ATP5F1A: variants seen among roughly 807,000 people sequenced by gnomAD.
ATP5F1A encodes the protein ATP synthase F(1) complex subunit alpha, mitochondrial.
Under a neutral mutation model 57.4 loss-of-function variants are expected in ATP5F1A, and 24 were observed. The ratio of observed to expected loss-of-function variants is 0.42; its 90% CI spans 0.30 to 0.59. ATP5F1A has a LOEUF of 0.59. Ranked by LOEUF, ATP5F1A falls within the 20% of genes least tolerant of loss-of-function variation. ATP5F1A has a pLI of 0.19. For missense variants in ATP5F1A, 494 were observed against 707.9 expected (o/e 0.70, Z 3.43); for synonymous variants, 251 against 255.5 (o/e 0.98, Z 0.17).
Position 46,089,963 on chromosome 18 carries a change from C to A in ATP5F1A, c.343G>T (p.Gly115Cys). The A allele has an allele frequency of 6.2e-7, 1 of 1,607,506 alleles. No homozygotes were observed. Among genetic ancestry groups the A allele is most frequent in the Non-Finnish European group, 8.5e-7 (1 of 1,177,570 alleles). ...TTATCATTTCCAAACACGACAACAC[C>A]AACATTGTCAGGTTCCAAGTTCAAG... is the stretch of plus-strand genomic sequence containing the variant. ...MSLNLEPDNV[G>C]VVVFGNDKLI... Residue 115 changes from glycine to cysteine, a missense_variant, in exon 4 of 12, where the codon GGT becomes TGT. By Grantham distance (159) the Gly-to-Cys change is radical. Coordinates refer to ENST00000398752, the MANE Select transcript of ATP5F1A (RefSeq NM_004046.6).
intron 3 of ATP5F1A, among the ~76,000 whole-genome samples, chr18:46,091,208 G>A (rs1477202329): frequency 6.6e-6 from 1 of 152,146 alleles, no homozygotes; most frequent in Non-Finnish European, 1.5e-5. Flanking sequence ...TACCCTGACA[G>A]ATGAGGCTCA....
chr18:46,101,353 T>C (rs558859581), upstream of ATP5F1A, among the ~76,000 whole-genome samples: 1 of 150,946 alleles, frequency 6.6e-6, no homozygotes, highest in East Asian at 2.0e-4. Context: ...TCGCCTGAGG[T>C]CAGGAGTTCA....
chr18:46,086,249 A>T lies in ATP5F1A; in HGVS notation c.1293T>A (p.Gly431=), dbSNP rs1275569694. ...AQTRAMKQVA[G]TMKLELAQYR... ...ACTGAGCCAATTCCAGCTTCATGGT[A>T]CCTGCTACCTGCAATACAGAAATTA... Residue 431 remains glycine (G), a synonymous_variant, in exon 10 of 12, where the codon GGT becomes GGA. Transcript: ENST00000398752. The T allele has an allele frequency of 1.9e-6, 3 of 1,613,878 alleles. No homozygotes were observed. The highest frequency in any genetic ancestry group is 4.5e-5 in the East Asian group (2 of 44,886).
chr18:46,089,806 A>T lies in ATP5F1A; in HGVS notation c.483+17T>A. The stretch of plus-strand genomic sequence containing the variant: ...TTGTTAGAAGCTGCAACTATATCTA[A>T]CGAACATTAAACCTACCTTTCCATC... On this transcript the variant is annotated intron_variant, in intron 4 of 11. Coordinates refer to ENST00000398752, the MANE Select transcript of ATP5F1A (RefSeq NM_004046.6). The T allele has an allele frequency of 6.2e-7, 1 of 1,609,320 alleles. No homozygotes were observed. Among genetic ancestry groups the T allele is most frequent in the Non-Finnish European group, 8.5e-7 (1 of 1,177,394 alleles).
chr18:46,096,660 A>G lies in ATP5F1A; in HGVS notation c.60+1512T>C, dbSNP rs190457081. 5.4e-3 allele frequency among the ~76,000 whole-genome samples: 736 copies of G among 136,098 alleles called. 4 individuals are homozygous for G. The highest frequency in any genetic ancestry group is 0.016 in the Middle Eastern group (4 of 250). 89.3% of individuals were successfully genotyped at this position (136,098 alleles called of 152,430 possible). On this transcript the variant is annotated intron_variant, in intron 1 of 11. Coordinates refer to ENST00000398752, the MANE Select transcript of ATP5F1A (RefSeq NM_004046.6). ...AGGGGCAAAACTCAAAGTAGTTCCA[A>G]TTTTACTTAAAAACAACAACAACAA...
At chr18:46,095,868 G>A (rs1483842790) in intron 1 of ATP5F1A, among the ~76,000 whole-genome samples, 1 of 147,326 alleles carries the variant, frequency 6.8e-6, no homozygotes, top group Non-Finnish European at 1.5e-5. Flanking sequence ...TTACTGGGCA[G>A]TAAATATATA....
At chr18:46,097,453 A>C (rs1458874164) in intron 1 of ATP5F1A, among the ~76,000 whole-genome samples, 2 of 152,120 alleles carry the variant, frequency 1.3e-5, no homozygotes, top group African/African-American at 4.8e-5. Context: ...ACTAAAAATT[A>C]CTCAAAACCA....
In ATP5F1A at chr18:46,081,673, C is replaced by CAAAAAAAAAAAAAAAAAAAAAAAAAAAA. The variant is rs1159742250; in HGVS notation, c.*2608_*2609insTTTTTTTTTTTTTTTTTTTTTTTTTTTT. On this transcript the variant is annotated 3_prime_UTR_variant, in exon 12 of 12. Transcript: ENST00000398752. ...GAGCAAAACTCTCAAAAAAAAAAAA[C>CAAAAAAAAAAAAAAAAAAAAAAAAAAAA]AAAAAAAAAAAAAAAAAAAAAAAAC... The CAAAAAAAAAAAAAAAAAAAAAAAAAAAA allele has an allele frequency of 6.6e-5, 5 of 75,452 alleles. No individual in the cohort carries two copies. The highest frequency in any genetic ancestry group is 3.9e-4 in the East Asian group (1 of 2,570). 4.7% of individuals were successfully genotyped at this position (75,452 alleles called of 1,614,324 possible).
At chr18:46,097,355 T>C (rs138319097) in intron 1 of ATP5F1A, among the ~76,000 whole-genome samples, 278 of 152,270 alleles carry the variant, frequency 1.8e-3, no homozygotes, top group Middle Eastern at 6.8e-3. Flanking sequence ...ACTGAAATCA[T>C]GTTAATTTCA....
At chr18:46,098,427 A>G, upstream of ATP5F1A, 1 of 1,358,422 alleles carries the variant, frequency 7.4e-7, no homozygotes, top group African/African-American at 1.6e-5. Context: ...TTTTTTATGT[A>G]ACATTTTTAA....
rs745896289 is a variant in ATP5F1A, at chr18:46,091,696, A to G, written c.295T>C (p.Ser99Pro). 1.7e-5 allele frequency: 27 copies of G among 1,602,254 alleles called. No individual in the cohort carries two copies. The highest frequency in any genetic ancestry group is 1.3e-4 in the East Asian group (6 of 44,598). Reference sequence around the variant, plus strand: ...TTATAATTTACCTTTAAGCCTGAAGAAAACTCTACCATTTCTTCTGCTTGA... The same window carrying G: ...TTATAATTTACCTTTAAGCCTGAAGGAAACTCTACCATTTCTTCTGCTTGA... ...NVQAEEMVEFSSGLKGMSLNL... is the reference protein window; with the variant it reads ...NVQAEEMVEFPSGLKGMSLNL... Residue 99 changes from serine to proline, a missense_variant, in exon 3 of 12, where the codon TCT becomes CCT. Physicochemically the swap from Ser to Pro is moderately conservative, Grantham distance 74. Around this residue, in one of 6 missense-constraint regions of ATP5F1A, gnomAD observed 142 missense variants for 137.5 expected, o/e 1.03. Coordinates refer to ENST00000398752, the MANE Select transcript of ATP5F1A (RefSeq NM_004046.6).
rs1909702965 is a variant in ATP5F1A, at chr18:46,080,874, A to G, written c.*3408T>C. Reference sequence around the variant, plus strand: ...GCCAGGCACAGTGGCTCACGCCTGTAATCCCAGCACTTTAGGAGGTCGAGG... The same window carrying G: ...GCCAGGCACAGTGGCTCACGCCTGTGATCCCAGCACTTTAGGAGGTCGAGG... On this transcript the variant is annotated 3_prime_UTR_variant, in exon 12 of 12. Coordinates refer to ENST00000398752, the MANE Select transcript of ATP5F1A (RefSeq NM_004046.6). The G allele has an allele frequency of 6.6e-6, 1 of 151,784 alleles. No individual in the cohort carries two copies. Among genetic ancestry groups the G allele is most frequent in the Non-Finnish European group, 1.5e-5 (1 of 67,948 alleles). 9.4% of individuals were successfully genotyped at this position (151,784 alleles called of 1,614,324 possible).
chr18:46,084,386 C>T lies in ATP5F1A; in HGVS notation c.1581-23G>A, dbSNP rs78648982. On this transcript the variant is annotated intron_variant, in intron 11 of 11. Transcript: ENST00000398752. ...GCCCTATTTGGAAATAAAAGCAGGT[C>T]GTAAGTTCTGACCTGGAAAAAGTTT... is the stretch of plus-strand genomic sequence containing the variant. 724 of 1,606,470 alleles carry T rather than the reference C, an allele frequency of 4.5e-4. 5 individuals are homozygous for T. In the African/African-American group the frequency reaches 8.3e-3, roughly 18 times the overall value.
chr18:46,087,745 T>G (rs1275258941), intron 6 of ATP5F1A: 1 of 464,494 alleles, frequency 2.2e-6, no homozygotes, highest in Non-Finnish European at 3.8e-6. Context: ...CCGGACGTGG[T>G]GGCATGCACC....
intron 10 of ATP5F1A, 58 bp downstream of exon 10, chr18:46,086,055 C>A: frequency 6.3e-7 from 1 of 1,576,484 alleles, no homozygotes; most frequent in Non-Finnish European, 8.6e-7. Context: ...CTCTGTAGGC[C>A]TGGGAAGACC....
intron 3 of ATP5F1A, among the ~76,000 whole-genome samples, chr18:46,090,337 T>C (rs530744063): frequency 6.6e-6 from 1 of 152,294 alleles, no homozygotes; most frequent in East Asian, 1.9e-4. Flanking sequence ...GGGTGATCAG[T>C]ATGAAATAAA....
intron 9 of ATP5F1A, 47 bp downstream of exon 9, chr18:46,086,318 TAATATATTAATACCTTAAGATG>T: frequency 3.7e-6 from 3 of 810,252 alleles, no homozygotes; most frequent in Non-Finnish European, 5.5e-6. Context: ...CAAATATAGT[TAATATATTAATACCTTAAGATG>T]CTAATCTAAT....
At chr18:46,093,912 G>A (rs1277230834) in intron 2 of ATP5F1A, among the ~76,000 whole-genome samples, 3 of 152,000 alleles carry the variant, frequency 2.0e-5, no homozygotes, top group Admixed American at 1.3e-4. Context: ...TTCGAGACCA[G>A]CCTGGCTAAC....
In ATP5F1A at chr18:46,098,272, C is replaced by G. The variant is rs1367161743; in HGVS notation, c.-41G>C. On this transcript the variant is annotated 5_prime_UTR_variant, in exon 1 of 12. Coordinates refer to ENST00000398752, the MANE Select transcript of ATP5F1A (RefSeq NM_004046.6). ...GCAGGCGGTACTTCTGCAGCCGCAG[C>G]CTCCGGACTGACTGGGACAAAATGG... 2 of 1,583,874 alleles carry G rather than the reference C, an allele frequency of 1.3e-6. No individual in the cohort carries two copies. Among genetic ancestry groups the G allele is most frequent in the Non-Finnish European group, 1.7e-6 (2 of 1,168,698 alleles).
Sources: gnomAD v4.1 joint callset for allele counts (sites outside exome capture counted in the v4.1 genomes callset) on GRCh38, gnomAD v4.1.1 for gene constraint, gnomAD v4.1.1 regional missense constraint, MANE v1.5 for transcripts, NCBI Gene and HGNC (gene_info 2026-07-23, HGNC 2026-07-21) for gene names.